Variants in ICA1 observed in about 807,000 individuals in gnomAD.
ICA1 encodes islet cell autoantigen 1, also known as 69 kDa islet cell autoantigen.
A neutral mutation model predicts 71.0 loss-of-function variants in ICA1; 40 were observed. That is an observed-to-expected ratio of 0.56 (90% confidence interval 0.44 to 0.73). The LOEUF is 0.73. Ranked by LOEUF, ICA1 falls within the 30% of genes least tolerant of loss-of-function variation. The pLI is 0.00. For missense variants in ICA1, 578 were observed against 576.5 expected (o/e 1.00, Z -0.03); for synonymous variants, 207 against 209.5 (o/e 0.99, Z 0.10).
At chr7:8,247,030 A>G (rs6969962) in intron 1 of ICA1, among the ~76,000 whole-genome samples, 72,133 of 152,016 alleles carry the variant, frequency 0.47, 19,825 homozygotes, top group African/African-American at 0.77. Flanking sequence ...ACAGGCGTGA[A>G]CCACCATGCC....
intron 1 of ICA1, among the ~76,000 whole-genome samples, chr7:8,239,715 G>C (rs1191947048): frequency 6.6e-6 from 1 of 152,232 alleles, no homozygotes; most frequent in Non-Finnish European, 1.5e-5. Context: ...TTTTCCAACA[G>C]TCTCAGCAAA....
intron 3 of ICA1, among the ~76,000 whole-genome samples, chr7:8,230,077 C>A (rs1397014402): frequency 6.6e-6 from 1 of 152,170 alleles, no homozygotes; most frequent in Non-Finnish European, 1.5e-5. Flanking sequence ...CATAATCATG[C>A]CCAAGGCAAG....
chr7:8,162,917 C>G (rs1306033582), intron 6 of ICA1, among the ~76,000 whole-genome samples: 1 of 152,194 alleles, frequency 6.6e-6, no homozygotes, highest in Non-Finnish European at 1.5e-5. Flanking sequence ...GCTTGCGCCA[C>G]CACGCCTGGC....
intron 8 of ICA1, among the ~76,000 whole-genome samples, chr7:8,156,265 A>G (rs895952635): frequency 6.6e-6 from 1 of 152,258 alleles, no homozygotes; most frequent in Admixed American, 6.5e-5. Context: ...ATGCATTTGA[A>G]TGTTTTAACG....
intron 1 of ICA1, among the ~76,000 whole-genome samples, chr7:8,251,012 C>T (rs999493377): frequency 1.3e-5 from 2 of 152,014 alleles, no homozygotes; most frequent in Non-Finnish European, 2.9e-5. Flanking sequence ...TGATCCCCCC[C>T]ACCTCAGCCT....
chr7:8,188,586 G>C (rs1784589442), intron 6 of ICA1, among the ~76,000 whole-genome samples: 1 of 152,146 alleles, frequency 6.6e-6, no homozygotes, highest in Non-Finnish European at 1.5e-5. Context: ...TGGAAGCCTA[G>C]AAGGGATTTT....
At chr7:8,210,366 G>A (rs1793239940) in intron 6 of ICA1, among the ~76,000 whole-genome samples, 1 of 152,182 alleles carries the variant, frequency 6.6e-6, no homozygotes, top group African/African-American at 2.4e-5. Flanking sequence ...TTGGGGATGT[G>A]TGTAAATATA....
At chr7:8,209,773 G>A (rs554314328) in intron 6 of ICA1, among the ~76,000 whole-genome samples, 38 of 152,166 alleles carry the variant, frequency 2.5e-4, no homozygotes, top group African/African-American at 8.7e-4. Context: ...TTTAAATGAT[G>A]CCTCAAAGTT....
intron 13 of ICA1, 47 bp downstream of exon 13, chr7:8,127,826 A>T (rs763039475): frequency 6.5e-7 from 1 of 1,531,698 alleles, no homozygotes; most frequent in Non-Finnish European, 8.8e-7. Flanking sequence ...TGAAAACAAA[A>T]AGAATGAACA....
chr7:8,251,482 A>C (rs2128527802), intron 1 of ICA1, among the ~76,000 whole-genome samples: 1 of 149,618 alleles, frequency 6.7e-6, no homozygotes, highest in East Asian at 1.9e-4. Context: ...AGTCACAAAA[A>C]TAAAAAACTC....
intron 4 of ICA1, among the ~76,000 whole-genome samples, chr7:8,225,543 G>T (rs1294368370): frequency 1.3e-5 from 2 of 152,130 alleles, no homozygotes; most frequent in Admixed American, 1.3e-4. Context: ...ACTGGGAAAA[G>T]GTATTTAGAA....
intron 12 of ICA1, among the ~76,000 whole-genome samples, chr7:8,133,162 A>C (rs773534595): frequency 6.6e-6 from 1 of 152,186 alleles, no homozygotes; most frequent in Non-Finnish European, 1.5e-5. Context: ...GAGGGAGCAC[A>C]TTCGGCCCCC....
At chr7:8,228,439 G>C (rs948800333) in intron 4 of ICA1, among the ~76,000 whole-genome samples, 162 bp downstream of exon 4, 1 of 152,118 alleles carries the variant, frequency 6.6e-6, no homozygotes, top group Non-Finnish European at 1.5e-5. Flanking sequence ...AGATAAATAA[G>C]CTATGTATAT....
At position 8,232,864 on chromosome 7, in the gene ICA1, C is replaced by T. The variant is rs1800685060; in HGVS notation, c.18-109G>A. 5.3e-6 allele frequency: 5 copies of T among 941,608 alleles called. No individual in the cohort carries two copies. The Admixed American group carries it at 1.5e-4, about 28-fold the overall frequency. The allele number at this position is 941,608 out of a possible 1,614,324, so 58.3% of individuals were successfully genotyped here. Reference sequence around the variant, plus strand: ...ACTTTCCATTATGCATTTACATTTACAACATTGATAAACGTATGAGCACTT... The same window carrying T: ...ACTTTCCATTATGCATTTACATTTATAACATTGATAAACGTATGAGCACTT... On this transcript the variant is annotated intron_variant, in intron 2 of 13. Coordinates refer to ENST00000402384, the MANE Select transcript of ICA1 (RefSeq NM_001136020.3).
intron 13 of ICA1, among the ~76,000 whole-genome samples, chr7:8,122,437 G>C (rs1485302580): frequency 6.6e-6 from 1 of 152,248 alleles, no homozygotes; most frequent in Non-Finnish European, 1.5e-5. Context: ...GTGTAGAGTA[G>C]ATCAAAGTTC....
At chr7:8,240,739 C>A (rs1803510459) in intron 1 of ICA1, among the ~76,000 whole-genome samples, 6 of 152,060 alleles carry the variant, frequency 3.9e-5, no homozygotes, top group Non-Finnish European at 1.5e-5. Flanking sequence ...GAGCTGAAAA[C>A]CATGGCAGGA....
chr7:8,214,115 A>C (rs958574731), intron 6 of ICA1, among the ~76,000 whole-genome samples: 1 of 152,210 alleles, frequency 6.6e-6, no homozygotes, highest in Admixed American at 6.5e-5. Context: ...ACATTTCTAT[A>C]CTATCTCTTT....
rs181110917 is a variant in ICA1 at position 8,222,900 on chromosome 7, G to C, written c.257-1502C>G. 1.6e-3 allele frequency among the ~76,000 whole-genome samples: 240 copies of C among 152,286 alleles called. No individual in the cohort carries two copies. Among genetic ancestry groups the C allele is most frequent in the Non-Finnish European group, 2.6e-3 (179 of 68,014 alleles). On this transcript the variant is annotated intron_variant, in intron 4 of 13. Transcript: ENST00000402384. This position sits in a 1 kb window ranked among gnomAD's most constrained non-coding sequence, Gnocchi z 4.8. The stretch of plus-strand genomic sequence containing the variant: ...CCCCAGGGGGCTCTAAGCTTTCCAA[G>C]ACAGGGATCTCACCCAAACTTTGTA...
At chr7:8,249,420 C>G (rs1027424069) in intron 1 of ICA1, among the ~76,000 whole-genome samples, 2 of 152,198 alleles carry the variant, frequency 1.3e-5, no homozygotes, top group African/African-American at 2.4e-5. Flanking sequence ...ACAGGGGAAA[C>G]AGAGGGGCCA....
Sources: gnomAD v4.1 joint callset for allele counts (sites outside exome capture counted in the v4.1 genomes callset) on GRCh38, gnomAD v4.1.1 for gene constraint, Gnocchi (gnomAD v3.1) non-coding constraint, MANE v1.5 for transcripts, NCBI Gene and HGNC (gene_info 2026-07-23, HGNC 2026-07-21) for gene names.